Variants in SLC24A3 observed in about 807,000 individuals in gnomAD.
SLC24A3 encodes the protein sodium/potassium/calcium exchanger 3.
Under a neutral mutation model 75.8 loss-of-function variants are expected in SLC24A3, and 28 were observed. The observed-to-expected ratio is 0.37, with a 90% CI of 0.27 to 0.51. The LOEUF is 0.51. SLC24A3 is among the 20% of genes least tolerant of loss of function. The probability of loss-of-function intolerance (pLI) is 0.94; values close to 1 mark genes in which losing one functional copy is unlikely to be tolerated. For missense variants in SLC24A3, 663 were observed against 847.8 expected, an observed-to-expected ratio of 0.78 and a Z score of 2.71; for synonymous variants, 372 against 334.1, an observed-to-expected ratio of 1.11 and a Z score of -1.24.
At chr20:19,213,671 T>C (rs1371516581) in intron 1 of SLC24A3, among the ~76,000 whole-genome samples, 1 of 152,224 alleles carries the variant, frequency 6.6e-6, no homozygotes, top group Non-Finnish European at 1.5e-5. Context: ...CATCACACTG[T>C]CCGCTCCTCT....
intron 2 of SLC24A3, among the ~76,000 whole-genome samples, chr20:19,317,366 C>T (rs575842424): frequency 2.6e-5 from 4 of 152,316 alleles, no homozygotes; most frequent in African/African-American, 7.2e-5. Flanking sequence ...CACATGCATT[C>T]GAGGTCTTAG....
At chr20:19,631,791 AGT>A (rs148278633) in intron 6 of SLC24A3, among the ~76,000 whole-genome samples, 13,150 of 147,800 alleles carry the variant, frequency 0.089, 734 homozygotes, top group Admixed American at 0.16. Flanking sequence ...TATGAGTGAG[AGT>A]GTGTGTGTGT....
At chr20:19,525,875 C>T (rs1362051713) in intron 3 of SLC24A3, among the ~76,000 whole-genome samples, 3 of 152,166 alleles carry the variant, frequency 2.0e-5, no homozygotes. Flanking sequence ...ACAGGCGCGG[C>T]TGTGCGGTGA....
intron 2 of SLC24A3, among the ~76,000 whole-genome samples, chr20:19,359,592 A>G (rs775263338): frequency 2.6e-5 from 4 of 152,170 alleles, no homozygotes; most frequent in Non-Finnish European, 5.9e-5. Flanking sequence ...ATAGATTTCT[A>G]TCCTCCCAGT....
intron 2 of SLC24A3, among the ~76,000 whole-genome samples, chr20:19,293,890 C>A (rs1390344163): frequency 6.6e-6 from 1 of 151,780 alleles, no homozygotes; most frequent in East Asian, 1.9e-4. Context: ...CCAGTGGTCC[C>A]TTGGTATCCA....
At chr20:19,307,743 C>T (rs536884733) in intron 2 of SLC24A3, among the ~76,000 whole-genome samples, 44 of 152,176 alleles carry the variant, frequency 2.9e-4, no homozygotes, top group Middle Eastern at 3.4e-3. Flanking sequence ...ATGTTCAGCA[C>T]GTGTATCCCA....
At chr20:19,592,026 C>G (rs188438046) in intron 6 of SLC24A3, among the ~76,000 whole-genome samples, 1 of 152,276 alleles carries the variant, frequency 6.6e-6, no homozygotes, top group East Asian at 1.9e-4. Flanking sequence ...AAGAAACCAC[C>G]AACAGCTTTG....
At chr20:19,299,861 G>A (rs1291276792) in intron 2 of SLC24A3, among the ~76,000 whole-genome samples, 1 of 152,218 alleles carries the variant, frequency 6.6e-6, no homozygotes, top group African/African-American at 2.4e-5. Context: ...TCTACCTTGT[G>A]TGAAATGGAA....
At chr20:19,592,325 C>T (rs1301041329) in intron 6 of SLC24A3, among the ~76,000 whole-genome samples, 8 of 152,120 alleles carry the variant, frequency 5.3e-5, no homozygotes, top group Non-Finnish European at 1.0e-4. Context: ...ATTATATTGT[C>T]CAGGCAGTCT....
At chr20:19,581,181 G>A (rs2031213514) in intron 4 of SLC24A3, among the ~76,000 whole-genome samples, 1 of 152,206 alleles carries the variant, frequency 6.6e-6, no homozygotes, top group Non-Finnish European at 1.5e-5. Context: ...AATGCACAGT[G>A]GGCAGGTGTG....
At chr20:19,413,271 T>C (rs1314245615) in intron 2 of SLC24A3, among the ~76,000 whole-genome samples, 1 of 152,200 alleles carries the variant, frequency 6.6e-6, no homozygotes, top group Non-Finnish European at 1.5e-5. Context: ...ACTTGCATCA[T>C]TACATGGTTT....
intron 6 of SLC24A3, among the ~76,000 whole-genome samples, chr20:19,641,410 TTATAAA>T (rs1432721180): frequency 1.3e-5 from 2 of 152,230 alleles, no homozygotes; most frequent in African/African-American, 4.8e-5. Context: ...TAAATTTTTA[TTATAAA>T]TATAAAAGGG....
intron 2 of SLC24A3, among the ~76,000 whole-genome samples, chr20:19,299,103 A>T (rs1337940357): frequency 6.6e-6 from 1 of 152,134 alleles, no homozygotes; most frequent in Non-Finnish European, 1.5e-5. Context: ...CCCCAACTAC[A>T]TGATTTCAAT....
intron 6 of SLC24A3, among the ~76,000 whole-genome samples, chr20:19,652,021 G>T (rs908711021): frequency 6.9e-6 from 1 of 144,574 alleles, no homozygotes; most frequent in Non-Finnish European, 1.5e-5. Context: ...CATTAACTGG[G>T]CTGTATGAAG....
In SLC24A3 at chr20:19,584,930, G is replaced by A. The variant is rs1320030482; in HGVS notation, c.424-41G>A. The A allele has an allele frequency of 5.1e-6, 8 of 1,574,276 alleles. No individual in the cohort carries two copies. The Middle Eastern group carries it at 6.7e-4, about 132-fold the overall frequency. ...TCACAGTCACCTCTCTTCCGAGATG[G>A]AATCCCAACTCACCTGTGCTTTGTC... On this transcript the variant is annotated intron_variant, in intron 4 of 16. Transcript: ENST00000328041.
intron 2 of SLC24A3, among the ~76,000 whole-genome samples, chr20:19,366,603 C>T (rs1172526458): frequency 3.3e-5 from 5 of 152,164 alleles, no homozygotes; most frequent in Admixed American, 1.3e-4. Context: ...CCTGAAGGGG[C>T]CTCCTACAAC....
At chr20:19,396,773 A>G (rs901959330) in intron 2 of SLC24A3, among the ~76,000 whole-genome samples, 1 of 152,344 alleles carries the variant, frequency 6.6e-6, no homozygotes, top group African/African-American at 2.4e-5. Flanking sequence ...CCAGGATCAT[A>G]TAGTGTCTAA....
chr20:19,445,585 A>G (rs1341122012), intron 2 of SLC24A3, among the ~76,000 whole-genome samples: 1 of 152,220 alleles, frequency 6.6e-6, no homozygotes, highest in African/African-American at 2.4e-5. Flanking sequence ...CTGGAGCTTA[A>G]TCCGTCTTGA....
At chr20:19,475,589 C>T (rs896956762) in intron 2 of SLC24A3, among the ~76,000 whole-genome samples, 4 of 151,896 alleles carry the variant, frequency 2.6e-5, no homozygotes, top group African/African-American at 9.7e-5. Flanking sequence ...CTGGACATGA[C>T]CAGTTAGAAG....
Sources: gnomAD v4.1 joint callset for allele counts (sites outside exome capture counted in the v4.1 genomes callset) on GRCh38, gnomAD v4.1.1 for gene constraint, MANE v1.5 for transcripts, NCBI Gene and HGNC (gene_info 2026-07-23, HGNC 2026-07-21) for gene names.